The following ADAMTS20 variants were observed in gnomAD, a reference collection of about 807,000 sequenced individuals.
ADAMTS20 encodes A disintegrin and metalloproteinase with thrombospondin motifs 20.
Under a neutral mutation model 260.1 loss-of-function variants are expected in ADAMTS20, and 225 were observed. The ratio of observed to expected loss-of-function variants is 0.87; its 90% CI spans 0.78 to 0.97. The LOEUF (loss-of-function observed/expected upper bound fraction) is 0.97, where lower values mean the gene tolerates loss of function less well. ADAMTS20 is among the 50% of genes least tolerant of loss of function. The pLI is 0.00. For missense variants in ADAMTS20, 2,400 were observed against 2,337.7 expected (o/e 1.03, Z -0.55); for synonymous variants, 802 against 769.5 (o/e 1.04, Z -0.70).
At chr12:43,404,400 A>G (rs1940873178) in intron 28 of ADAMTS20, among the ~76,000 whole-genome samples, 1 of 152,174 alleles carries the variant, frequency 6.6e-6, no homozygotes, top group South Asian at 2.1e-4. Flanking sequence ...ACTGATTTAG[A>G]TGGTACATTT....
intron 35 of ADAMTS20, 128 bp from the exon 36 acceptor site, chr12:43,375,640 G>C: frequency 9.6e-7 from 1 of 1,046,088 alleles, no homozygotes; most frequent in Admixed American, 2.5e-5. Context: ...AGTTAAACAA[G>C]AAAGAAGCAA....
chr12:43,463,689 G>A (rs1469854101), intron 10 of ADAMTS20, among the ~76,000 whole-genome samples: 4 of 152,132 alleles, frequency 2.6e-5, no homozygotes, highest in Non-Finnish European at 5.9e-5. Context: ...AGGAAGAATA[G>A]TCGCTATATG....
In ADAMTS20 at chr12:43,502,292, T is replaced by G. The variant is rs780465985; in HGVS notation, c.727A>C (p.Lys243Gln). The G allele has an allele frequency of 6.2e-7, 1 of 1,612,002 alleles. No individual in the cohort carries two copies. Among genetic ancestry groups the G allele is most frequent in the Non-Finnish European group, 8.5e-7 (1 of 1,179,300 alleles). ...TTCCTGGAATGTCTTCTTTCATCTT[T>G]CAATGGTACATTTTTTGATGTGTGT... ...LGHTSKNVPL[K>Q]DERRHSRKKR... The change falls in exon 4 of 39, where the codon AAA (lysine) becomes CAA (glutamine). Residue 243 changes from lysine (K) to glutamine (Q), a missense_variant. Lys to Gln is a moderately conservative substitution (Grantham distance 53). Coordinates refer to ENST00000389420, the MANE Select transcript of ADAMTS20 (RefSeq NM_025003.5).
chr12:43,537,695 A>C (rs185919993), intron 2 of ADAMTS20, among the ~76,000 whole-genome samples: 24 of 152,140 alleles, frequency 1.6e-4, no homozygotes, highest in African/African-American at 5.8e-4. Flanking sequence ...CAGCCTCTGA[A>C]CCATCCCTTC....
intron 35 of ADAMTS20, 136 bp downstream of exon 35, chr12:43,375,921 G>A (rs1490263561): frequency 1.5e-6 from 1 of 661,348 alleles, no homozygotes; most frequent in South Asian, 2.1e-5. Flanking sequence ...ATCTAGTTTA[G>A]GTCCTAACAT....
In ADAMTS20 at chr12:43,507,443, A is replaced by G. The variant is rs186452748; in HGVS notation, c.614-5038T>C. On this transcript the variant is annotated intron_variant, in intron 3 of 38. Coordinates refer to ENST00000389420, the MANE Select transcript of ADAMTS20 (RefSeq NM_025003.5). ...GAAAAGCCTTCTCCACACTCCTCAA[A>G]AGAAAGCATCCCTCTTGTCAAGTAA... is the stretch of plus-strand genomic sequence containing the variant. Among the ~76,000 whole-genome samples the G allele has an allele frequency of 4.6e-5, 7 of 152,276 alleles. No individual in the cohort carries two copies. The East Asian group carries it at 1.4e-3, about 29-fold the overall frequency.
intron 6 of ADAMTS20, among the ~76,000 whole-genome samples, chr12:43,492,109 G>A (rs1489074017): frequency 6.6e-6 from 1 of 152,116 alleles, no homozygotes; most frequent in African/African-American, 2.4e-5. Flanking sequence ...GGCCGGGCGC[G>A]GTGGCTCACG....
At chr12:43,510,488 G>A (rs1942907486) in intron 3 of ADAMTS20, among the ~76,000 whole-genome samples, 2 of 150,116 alleles carry the variant, frequency 1.3e-5, no homozygotes, top group South Asian at 2.1e-4. Context: ...TGTTACAAAT[G>A]TTGATACAAT....
intron 2 of ADAMTS20, 64 bp downstream of exon 2, chr12:43,550,845 C>T: frequency 2.7e-6 from 4 of 1,457,704 alleles, no homozygotes; most frequent in South Asian, 3.0e-5. Context: ...CCCAAGGCCC[C>T]GTTCGCTGAA....
intron 3 of ADAMTS20, 59 bp downstream of exon 3, chr12:43,531,977 A>T (rs1943227074): frequency 9.0e-7 from 1 of 1,105,946 alleles, no homozygotes; most frequent in Non-Finnish European, 1.2e-6. Context: ...TATAACCTAT[A>T]AAAAAAGATT....
intron 28 of ADAMTS20, among the ~76,000 whole-genome samples, chr12:43,405,723 C>T (rs1940907343): frequency 6.6e-6 from 1 of 152,014 alleles, no homozygotes; most frequent in Non-Finnish European, 1.5e-5. Context: ...TTCAATTTCA[C>T]TTTGGCTTTT....
At chr12:43,457,785 G>T (rs1565557276) in intron 11 of ADAMTS20, among the ~76,000 whole-genome samples, 2 of 152,146 alleles carry the variant, frequency 1.3e-5, no homozygotes, top group African/African-American at 4.8e-5. Flanking sequence ...CACTGAAATA[G>T]CTAAGTAGAT....
intron 18 of ADAMTS20, among the ~76,000 whole-genome samples, chr12:43,434,716 C>A (rs1319250376): frequency 1.3e-5 from 2 of 152,170 alleles, no homozygotes; most frequent in African/African-American, 4.8e-5. Context: ...ATATTACTGT[C>A]ATCCATCAGC....
rs191760544 is a variant in ADAMTS20, at chr12:43,370,744, C to A, written c.5447-1363G>T. 1.8e-3 allele frequency among the ~76,000 whole-genome samples: 268 copies of A among 152,286 alleles called. 3 individuals carry two copies. Among genetic ancestry groups the A allele is most frequent in the African/African-American group, 6.2e-3 (256 of 41,566 alleles). On this transcript the variant is annotated intron_variant, in intron 36 of 38. Coordinates refer to ENST00000389420, the MANE Select transcript of ADAMTS20 (RefSeq NM_025003.5). ...AATTTATTTGCCCTGCTCTATTTCC[C>A]ATTTCACTAAACTGTACTACCATCT...
chr12:43,389,726 C>T (rs1460845279), intron 29 of ADAMTS20, among the ~76,000 whole-genome samples: 1 of 151,784 alleles, frequency 6.6e-6, no homozygotes, highest in Non-Finnish European at 1.5e-5. Context: ...GTTTTTTTGC[C>T]ACTTTAGAAC....
chr12:43,452,707 C>A lies in ADAMTS20; in HGVS notation c.1761-12G>T. The A allele has an allele frequency of 6.3e-7, 1 of 1,590,196 alleles. No individual in the cohort carries two copies. Among genetic ancestry groups the A allele is most frequent in the Non-Finnish European group, 8.6e-7 (1 of 1,165,390 alleles). On this transcript the variant is annotated splice_polypyrimidine_tract_variant and intron_variant, in intron 12 of 38. Coordinates refer to ENST00000389420, the MANE Select transcript of ADAMTS20 (RefSeq NM_025003.5). ...CTCCGTTTCTTGGCCTAGTCAAATT[C>A]ATTACATTTTAAAGCACATCAGTAC...
chr12:43,407,901 T>C (rs917610528), intron 28 of ADAMTS20, among the ~76,000 whole-genome samples: 28 of 152,182 alleles, frequency 1.8e-4, no homozygotes, highest in Non-Finnish European at 1.5e-5. Flanking sequence ...TTTTTAACTT[T>C]CTAATAATAT....
At chr12:43,434,512 T>A in intron 18 of ADAMTS20, 141 bp from the exon 19 acceptor site, 1 of 669,620 alleles carries the variant, frequency 1.5e-6, no homozygotes, top group Non-Finnish European at 2.3e-6. Flanking sequence ...GATATACTAG[T>A]ATATTAATCT....
In ADAMTS20 at chr12:43,546,508, T is replaced by C. The variant is rs566226161; in HGVS notation, c.453+4401A>G. Among the ~76,000 whole-genome samples the C allele has an allele frequency of 4.7e-4, 71 of 152,282 alleles. 1 individual carries two copies. Among genetic ancestry groups the C allele is most frequent in the African/African-American group, 1.4e-3 (58 of 41,546 alleles). Reference sequence around the variant, plus strand: ...AAAGGGCTACCAGAAGCATGAGGAATTGTCAGAAACAGCCTGTGTAAAGTT... The same window carrying C: ...AAAGGGCTACCAGAAGCATGAGGAACTGTCAGAAACAGCCTGTGTAAAGTT... On this transcript the variant is annotated intron_variant, in intron 2 of 38. Transcript: ENST00000389420.
Sources: allele counts gnomAD v4.1 joint callset (sites outside exome capture counted in the v4.1 genomes callset), GRCh38; gene constraint gnomAD v4.1.1; transcripts MANE v1.5; gene names NCBI Gene and HGNC (gene_info 2026-07-23, HGNC 2026-07-21).